CCDC170: variants seen among roughly 807,000 people sequenced by gnomAD.
CCDC170 encodes coiled-coil domain containing 170.
A neutral mutation model predicts 72.6 loss-of-function variants in CCDC170; 69 were observed. The observed-to-expected ratio is 0.95, with a 90% CI of 0.78 to 1.16. CCDC170 has a LOEUF of 1.16. CCDC170 is among the 50% of genes most tolerant of loss of function. The probability of loss-of-function intolerance (pLI) is 0.00; values close to 1 mark genes in which losing one functional copy is unlikely to be tolerated. For synonymous variants in CCDC170, 300 were observed against 303.9 expected (o/e 0.99, Z 0.13); for missense variants, 852 against 832.5 (o/e 1.02, Z -0.29).
chr6:151,564,280 C>A (rs1776092542), intron 5 of CCDC170, among the ~76,000 whole-genome samples: 1 of 152,150 alleles, frequency 6.6e-6, no homozygotes, highest in Non-Finnish European at 1.5e-5. Context: ...TAAATAGTGT[C>A]ATTGGTGTCC....
chr6:151,566,745 C>A (rs911951060), intron 5 of CCDC170, among the ~76,000 whole-genome samples: 1 of 152,016 alleles, frequency 6.6e-6, no homozygotes, highest in African/African-American at 2.4e-5. Flanking sequence ...GTTCTTTAGT[C>A]ATAAGTTTTA....
At chr6:151,522,870 G>A (rs1016201472) in intron 1 of CCDC170, among the ~76,000 whole-genome samples, 1 of 152,130 alleles carries the variant, frequency 6.6e-6, no homozygotes, top group East Asian at 1.9e-4. Flanking sequence ...TCTTGCTTTC[G>A]AGAATGCCCT....
chr6:151,501,481 T>G (rs968914733), intron 1 of CCDC170, among the ~76,000 whole-genome samples: 1 of 152,212 alleles, frequency 6.6e-6, no homozygotes, highest in African/African-American at 2.4e-5. Context: ...GTTTTGTAAC[T>G]TTTTTGGAAT....
chr6:151,545,402 A>C (rs982156235), intron 4 of CCDC170, among the ~76,000 whole-genome samples: 1 of 151,998 alleles, frequency 6.6e-6, no homozygotes, highest in Non-Finnish European at 1.5e-5. Context: ...ACAGAGTGAG[A>C]CTCTGTCTCA....
chr6:151,572,813 C>T (rs1162997826), intron 5 of CCDC170, among the ~76,000 whole-genome samples: 11 of 151,832 alleles, frequency 7.2e-5, no homozygotes, highest in Non-Finnish European at 1.5e-4. Flanking sequence ...CTATGCCCCG[C>T]TAAGTTTTGT....
intron 10 of CCDC170, among the ~76,000 whole-genome samples, chr6:151,616,927 A>G (rs1266439263): frequency 2.6e-5 from 4 of 152,148 alleles, no homozygotes; most frequent in Non-Finnish European, 5.9e-5. Flanking sequence ...CCACCTCCTA[A>G]TAGCTTCACA....
Position 151,586,030 on chromosome 6 carries a change from G to A in CCDC170, c.1234G>A (p.Glu412Lys). 1 of 1,614,214 alleles carries A rather than the reference G, an allele frequency of 6.2e-7. No individual in the cohort carries two copies. Among genetic ancestry groups the A allele is most frequent in the Middle Eastern group, 1.6e-4 (1 of 6,062 alleles). Residue 412 changes from glutamate to lysine, a missense_variant, in exon 7 of 11, where the codon GAG becomes AAG. Physicochemically the swap from Glu to Lys is moderately conservative, Grantham distance 56. Transcript: ENST00000239374. ...TCTTCAGGGTCAGCTGACACACCTG[G>A]AGGCAGAGCTGGTTTCTGGAGGTGT... The part of the protein sequence containing the change: ...ETLQGQLTHL[E>K]AELVSGGVLR...
At chr6:151,597,469 C>A (rs1441609289) in intron 9 of CCDC170, among the ~76,000 whole-genome samples, 1 of 152,210 alleles carries the variant, frequency 6.6e-6, no homozygotes, top group African/African-American at 2.4e-5. Context: ...AAATACATTT[C>A]TCCAAAGTGT....
At position 151,512,935 on chromosome 6, in the gene CCDC170, C is replaced by T. The variant is rs6904080; in HGVS notation, c.57+18750C>T. 9.4e-3 allele frequency among the ~76,000 whole-genome samples: 1,427 copies of T among 152,266 alleles called. 28 individuals are homozygous for T. The highest frequency in any genetic ancestry group is 0.032 in the African/African-American group (1,343 of 41,550). ...AAGCAGTGACCCTTAAAGTCATGAA[C>T]CTATGGTACATAATTGGTGGGAGTG... On this transcript the variant is annotated intron_variant, in intron 1 of 10. Coordinates refer to ENST00000239374, the MANE Select transcript of CCDC170 (RefSeq NM_025059.4).
intron 5 of CCDC170, among the ~76,000 whole-genome samples, chr6:151,567,393 T>G (rs1776152777): frequency 1.3e-5 from 2 of 152,180 alleles, no homozygotes; most frequent in South Asian, 4.1e-4. Flanking sequence ...TTTCTGTTTA[T>G]TTTTTCTTAA....
chr6:151,617,847 A>C, intron 10 of CCDC170, 100 bp from the exon 11 acceptor site: 1 of 1,148,494 alleles, frequency 8.7e-7, no homozygotes, highest in Non-Finnish European at 1.2e-6. Context: ...ACCTCATGCA[A>C]ACCTGGGTTT....
chr6:151,527,882 A>G (rs542454059), intron 1 of CCDC170, among the ~76,000 whole-genome samples: 52 of 152,162 alleles, frequency 3.4e-4, no homozygotes, highest in Non-Finnish European at 5.6e-4. Context: ...AGGGGCAGGC[A>G]GTGATTTTCT....
At chr6:151,522,486 C>A (rs1317573140) in intron 1 of CCDC170, among the ~76,000 whole-genome samples, 1 of 152,160 alleles carries the variant, frequency 6.6e-6, no homozygotes, top group Admixed American at 6.6e-5. Context: ...TTCCAATTAC[C>A]TGCTACCTGC....
intron 1 of CCDC170, among the ~76,000 whole-genome samples, chr6:151,511,155 GTTC>G (rs550776829): frequency 1.4e-4 from 21 of 152,268 alleles, no homozygotes; most frequent in African/African-American, 4.6e-4. Context: ...ACGCTTTCCA[GTTC>G]TTCTAAAACT....
intron 10 of CCDC170, among the ~76,000 whole-genome samples, 177 bp from the exon 11 acceptor site, chr6:151,617,770 A>G (rs907158779): frequency 6.6e-5 from 10 of 152,118 alleles, no homozygotes; most frequent in African/African-American, 2.2e-4. Flanking sequence ...TTGGCAGTTG[A>G]TGTGACTTAT....
At chr6:151,507,798 G>A (rs1253247380) in intron 1 of CCDC170, among the ~76,000 whole-genome samples, 1 of 152,036 alleles carries the variant, frequency 6.6e-6, no homozygotes, top group East Asian at 1.9e-4. Flanking sequence ...GCATGTGCCT[G>A]TAATCCCAGC....
intron 6 of CCDC170, among the ~76,000 whole-genome samples, chr6:151,578,379 C>T (rs2115095946): frequency 6.6e-6 from 1 of 152,298 alleles, no homozygotes; most frequent in East Asian, 1.9e-4. Context: ...TGCCTCACTC[C>T]TAGCTTCTGC....
At chr6:151,546,489 G>A (rs182225591) in intron 4 of CCDC170, among the ~76,000 whole-genome samples, 2 of 151,986 alleles carry the variant, frequency 1.3e-5, no homozygotes, top group Admixed American at 6.6e-5. Flanking sequence ...TTTGACTTCC[G>A]GGGTCTTGCT....
chr6:151,597,821 C>T (rs998178992), intron 9 of CCDC170, among the ~76,000 whole-genome samples: 7 of 152,164 alleles, frequency 4.6e-5, no homozygotes, highest in African/African-American at 1.4e-4. Context: ...GTGTGCAAAT[C>T]GCAAGTACAG....
Sources: gnomAD v4.1 joint callset for allele counts (sites outside exome capture counted in the v4.1 genomes callset) on GRCh38, gnomAD v4.1.1 for gene constraint, MANE v1.5 for transcripts, NCBI Gene and HGNC (gene_info 2026-07-23, HGNC 2026-07-21) for gene names.